The following ADGRE1 variants were observed in gnomAD, a reference collection of about 807,000 sequenced individuals.
The protein encoded by ADGRE1 is adhesion G protein-coupled receptor E1, also known as EGF-like module receptor 1.
ADGRE1 carries 82 observed loss-of-function variants against 102.7 expected under a neutral mutation model. The ratio of observed to expected loss-of-function variants is 0.80; its 90% CI spans 0.67 to 0.96. ADGRE1 has a LOEUF of 0.96. ADGRE1 is among the 40% of genes least tolerant of loss of function. ADGRE1 has a pLI of 0.00. For missense variants in ADGRE1, 1,032 were observed against 1,085.3 expected (o/e 0.95, Z 0.69); for synonymous variants, 398 against 399.6 (o/e 1.00, Z 0.05).
chr19:6,922,815 C>T (rs931455378), intron 14 of ADGRE1, among the ~76,000 whole-genome samples: 5 of 151,990 alleles, frequency 3.3e-5, no homozygotes, highest in Non-Finnish European at 5.9e-5. Context: ...CGGTGGCTCA[C>T]GCCTGTAATG....
chr19:6,913,775 A>C lies in ADGRE1; in HGVS notation c.1245A>C (p.Ala415=). 6.2e-7 allele frequency: 1 copy of C among 1,612,214 alleles called. No homozygotes were observed. The highest frequency in any genetic ancestry group is 1.3e-5 in the African/African-American group (1 of 75,028). The part of the protein sequence containing the change: ...FLESVESMTL[A]SFWKPSANIT... ...AGAGTGTGGAAAGCATGACACTGGC[A>C]TCTTTTTGGAAACCCTCAGCAAATA... Residue 415 remains alanine (A), a synonymous_variant, in exon 11 of 21, where the codon GCA becomes GCC. Coordinates refer to ENST00000312053, the MANE Select transcript of ADGRE1 (RefSeq NM_001974.5).
At chr19:6,920,121 A>G (rs1377595629) in intron 13 of ADGRE1, among the ~76,000 whole-genome samples, 1 of 152,136 alleles carries the variant, frequency 6.6e-6, no homozygotes. Context: ...ATCTGATTGC[A>G]TCTTACAATG....
At chr19:6,914,382 G>A (rs1260906862) in intron 11 of ADGRE1, among the ~76,000 whole-genome samples, 1 of 152,186 alleles carries the variant, frequency 6.6e-6, no homozygotes, top group Non-Finnish European at 1.5e-5. Flanking sequence ...GCATTAATGA[G>A]ATGTAAACAC....
At chr19:6,933,127 A>G (rs1275222513) in intron 17 of ADGRE1, among the ~76,000 whole-genome samples, 3 of 152,108 alleles carry the variant, frequency 2.0e-5, no homozygotes, top group Non-Finnish European at 4.4e-5. Context: ...AGGCTGAGGC[A>G]GGAGAATCGC....
At position 6,919,571 on chromosome 19, in the gene ADGRE1, T is replaced by G. The variant is rs754412545; in HGVS notation, c.1444T>G (p.Ser482Ala). 1 of 1,613,060 alleles carries G rather than the reference T, an allele frequency of 6.2e-7. No homozygotes were observed. Among genetic ancestry groups the G allele is most frequent in the South Asian group, 1.1e-5 (1 of 91,040 alleles). Residue 482 changes from serine (S) to alanine (A), a missense_variant, in exon 13 of 21, where the codon TCC (serine) becomes GCC (alanine). Coordinates refer to ENST00000312053, the MANE Select transcript of ADGRE1 (RefSeq NM_001974.5). ...AGAGACCACTGGTGTGGCTTTTGTCTCCTTTGTGGGCATGGAATCGGTTTT... is the reference window on the plus strand; with the variant it reads ...AGAGACCACTGGTGTGGCTTTTGTCGCCTTTGTGGGCATGGAATCGGTTTT... Reference protein sequence around the residue: ...STETTGVAFVSFVGMESVLNE... With the variant: ...STETTGVAFVAFVGMESVLNE...
At chr19:6,939,587 T>C (rs455397) in intron 20 of ADGRE1, among the ~76,000 whole-genome samples, 124,283 of 152,020 alleles carry the variant, frequency 0.82, 50,894 homozygotes, top group African/African-American at 0.87. Context: ...TGCAATATGG[T>C]TGCCACAGCT....
chr19:6,928,500 A>C, intron 17 of ADGRE1: 1 of 517,244 alleles, frequency 1.9e-6, no homozygotes, highest in Non-Finnish European at 3.3e-6. Context: ...GGTGGCGAGC[A>C]CTTGTAATCC....
At chr19:6,928,471 C>A in intron 17 of ADGRE1, 1 of 721,872 alleles carries the variant, frequency 1.4e-6, no homozygotes, top group Non-Finnish European at 2.1e-6. Flanking sequence ...GCTAAAAATA[C>A]AAAAAATTAG....
rs367628855 is a variant in ADGRE1, at chr19:6,924,731, G to A, written c.1845G>A (p.Val615=). ...ATGTAGGCATTATCATCTCCTTGGT[G>A]TGCCTCGTCTTGGCCATCGCCACCT... ...ISHVGIIISL[V]CLVLAIATFL... Residue 615 remains valine, a synonymous_variant, in exon 15 of 21, where the codon GTG becomes GTA. Transcript: ENST00000312053. The A allele has an allele frequency of 6.2e-7, 1 of 1,614,126 alleles. No individual in the cohort carries two copies. Among genetic ancestry groups the A allele is most frequent in the African/African-American group, 1.3e-5 (1 of 75,012 alleles).
chr19:6,898,375 A>T, intron 5 of ADGRE1: 1 of 1,599,886 alleles, frequency 6.3e-7, no homozygotes, highest in East Asian at 2.2e-5. Context: ...CATGTCAGGG[A>T]GGTACAAGTG....
chr19:6,931,095 C>G (rs1055644086), intron 17 of ADGRE1, among the ~76,000 whole-genome samples: 7 of 151,842 alleles, frequency 4.6e-5, no homozygotes, highest in African/African-American at 1.7e-4. Context: ...ACTATCCTTC[C>G]CAGCTTCTGG....
chr19:6,890,691 T>G, intron 2 of ADGRE1, 148 bp downstream of exon 2: 1 of 764,402 alleles, frequency 1.3e-6, no homozygotes, highest in Non-Finnish European at 2.1e-6. Flanking sequence ...GTCTCCTGAT[T>G]CTCACTTCAG....
chr19:6,905,775 A>T (rs942995743), intron 8 of ADGRE1, among the ~76,000 whole-genome samples: 2 of 152,218 alleles, frequency 1.3e-5, no homozygotes, highest in Non-Finnish European at 2.9e-5. Flanking sequence ...TGTGTAACTT[A>T]TTGGAGGCAA....
At chr19:6,898,406 C>T in intron 5 of ADGRE1, 1 of 1,601,860 alleles carries the variant, frequency 6.2e-7, no homozygotes, top group Non-Finnish European at 8.6e-7. Flanking sequence ...GATGGTTTCT[C>T]TTCTCCCACT....
rs763154666 is a variant in ADGRE1, at chr19:6,924,769, G to A, written c.1883G>A (p.Arg628His). 1.7e-5 allele frequency: 27 copies of A among 1,613,826 alleles called. No individual in the cohort carries two copies. Among genetic ancestry groups the A allele is most frequent in the South Asian group, 4.4e-5 (4 of 91,074 alleles). ...GCCATCGCCACCTTTCTGCTGTGTC[G>A]CTCCATCCGAAATCACAACACCTAC... is the stretch of plus-strand genomic sequence containing the variant. ...VLAIATFLLC[R>H]SIRNHNTYLH... The change falls in exon 15 of 21, where the codon CGC (arginine) becomes CAC (histidine). Residue 628 changes from arginine (R) to histidine (H), a missense_variant. Arg to His is a conservative substitution (Grantham distance 29, BLOSUM62 0). Transcript: ENST00000312053.
intron 11 of ADGRE1, among the ~76,000 whole-genome samples, chr19:6,915,936 A>C (rs1271948662): frequency 1.3e-5 from 2 of 150,928 alleles, no homozygotes; most frequent in African/African-American, 4.9e-5. Flanking sequence ...AAAAAAAAAA[A>C]AAAAAAAAAA....
At chr19:6,892,346 G>C (rs941008326) in intron 2 of ADGRE1, among the ~76,000 whole-genome samples, 12 of 152,066 alleles carry the variant, frequency 7.9e-5, no homozygotes, top group Non-Finnish European at 4.4e-5. Flanking sequence ...ATACTTTTTA[G>C]TTTTTCCATA....
In ADGRE1 at chr19:6,935,007, C is replaced by A; in HGVS notation, c.2310C>A (p.Thr770=). 1 of 1,593,914 alleles carries A rather than the reference C, an allele frequency of 6.3e-7. No homozygotes were observed. Among genetic ancestry groups the A allele is most frequent in the African/African-American group, 1.4e-5 (1 of 73,982 alleles). Residue 770 remains threonine, a synonymous_variant, in exon 18 of 21, where the codon ACC becomes ACA. Coordinates refer to ENST00000312053, the MANE Select transcript of ADGRE1 (RefSeq NM_001974.5). ...TGCAGATCAACTCCCTTCTCCTGAC[C>A]TGGACCTTGTGGATCCTGAGGCAGA... The part of the protein sequence containing the change: ...TVIVINSLLL[T]WTLWILRQRL...
chr19:6,913,826 C>T lies in ADGRE1; in HGVS notation c.1296C>T (p.Tyr432=). ...TCACTCCGGCTGTTCGGACGGAATA[C>T]TTAGGTAGGAGACACCCTTTGTGGC... ...ANITPAVRTE[Y]LDIESKVINK... is the part of the protein sequence containing the mutation. The change falls in exon 11 of 21, where the codon TAC becomes TAT. Residue 432 remains tyrosine (Y), a synonymous_variant. Transcript: ENST00000312053. The T allele has an allele frequency of 1.9e-6, 3 of 1,589,298 alleles. No individual in the cohort carries two copies. The highest frequency in any genetic ancestry group is 2.6e-6 in the Non-Finnish European group (3 of 1,165,206).
Sources: gnomAD v4.1 joint callset for allele counts (sites outside exome capture counted in the v4.1 genomes callset) on GRCh38, gnomAD v4.1.1 for gene constraint, MANE v1.5 for transcripts, NCBI Gene and HGNC (gene_info 2026-07-23, HGNC 2026-07-21) for gene names.